Variants in WDPCP observed in about 807,000 individuals in gnomAD.
The protein encoded by WDPCP is WD repeat-containing and planar cell polarity effector protein fritz homolog.
A neutral mutation model predicts 93.1 loss-of-function variants in WDPCP; 71 were observed. The observed-to-expected ratio is 0.76, with a 90% CI of 0.63 to 0.93. WDPCP has a LOEUF of 0.93. WDPCP is among the 40% of genes least tolerant of loss of function. WDPCP has a pLI of 0.00. For missense variants in WDPCP, 844 were observed against 887.4 expected (o/e 0.95, Z 0.62); for synonymous variants, 315 against 315.0 (o/e 1.00, Z 0.00).
At chr2:63,607,696 G>T (rs541066256) in intron 3 of WDPCP, among the ~76,000 whole-genome samples, 1 of 151,998 alleles carries the variant, frequency 6.6e-6, no homozygotes, top group East Asian at 1.9e-4. Flanking sequence ...CAGGCGTGGT[G>T]GCGGGCACCT....
intron 12 of WDPCP, among the ~76,000 whole-genome samples, chr2:63,336,489 C>T (rs1372935238): frequency 6.6e-6 from 1 of 152,124 alleles, no homozygotes; most frequent in African/African-American, 2.4e-5. Context: ...GTGGGTTTTC[C>T]ATAAATGGCC....
chr2:63,438,917 A>C (rs906046447), intron 7 of WDPCP, among the ~76,000 whole-genome samples: 1 of 152,126 alleles, frequency 6.6e-6, no homozygotes, highest in Non-Finnish European at 1.5e-5. Flanking sequence ...TGAATAAAAG[A>C]ATATAATCTT....
intron 3 of WDPCP, chr2:63,599,314 T>A: frequency 6.3e-7 from 1 of 1,599,918 alleles, no homozygotes; most frequent in Non-Finnish European, 8.5e-7. Flanking sequence ...ATATTTTAAA[T>A]CTTGTGGTTG....
chr2:63,543,613 AATT>A (rs1438047664), intron 1 of WDPCP, among the ~76,000 whole-genome samples: 1 of 152,040 alleles, frequency 6.6e-6, no homozygotes, highest in East Asian at 1.9e-4. Flanking sequence ...AAACAATAAT[AATT>A]ATTTTTCATT....
chr2:63,216,466 C>T (rs1559212736), intron 14 of WDPCP, among the ~76,000 whole-genome samples: 1 of 152,074 alleles, frequency 6.6e-6, no homozygotes, highest in Non-Finnish European at 1.5e-5. Context: ...GATAGAAAAC[C>T]AAACACCGCA....
chr2:63,333,292 TG>T (rs1240710731), intron 12 of WDPCP, among the ~76,000 whole-genome samples: 4 of 152,176 alleles, frequency 2.6e-5, no homozygotes, highest in Non-Finnish European at 5.9e-5. Context: ...AAAATCAAAA[TG>T]TTTTACCCCA....
At chr2:63,697,544 C>T (rs1349214812) in intron 2 of WDPCP, among the ~76,000 whole-genome samples, 2 of 152,148 alleles carry the variant, frequency 1.3e-5, no homozygotes, top group Admixed American at 6.5e-5. Flanking sequence ...TGTTGTGTTG[C>T]CTGCCATGGT....
intron 3 of WDPCP, among the ~76,000 whole-genome samples, chr2:63,631,100 T>C (rs1300535835): frequency 2.0e-5 from 3 of 152,006 alleles, no homozygotes; most frequent in African/African-American, 7.3e-5. Context: ...GGCCAAATGG[T>C]CAAACCCCAT....
intron 2 of WDPCP, among the ~76,000 whole-genome samples, chr2:63,667,075 C>T (rs369948193): frequency 1.9e-4 from 29 of 152,238 alleles, no homozygotes; most frequent in African/African-American, 6.0e-4. Flanking sequence ...ATTGTAGTGA[C>T]GATTTCAGGG....
chr2:63,722,693 C>G (rs1475209919), intron 2 of WDPCP, among the ~76,000 whole-genome samples: 1 of 148,232 alleles, frequency 6.7e-6, no homozygotes, highest in African/African-American at 2.5e-5. Flanking sequence ...CCAGCCGCCC[C>G]GTCCGGGAGG....
chr2:63,619,114 T>C (rs1244717020), intron 3 of WDPCP, among the ~76,000 whole-genome samples: 2 of 152,242 alleles, frequency 1.3e-5, no homozygotes, highest in African/African-American at 2.4e-5. Flanking sequence ...AGGAGGACTT[T>C]ATTCTGTCAT....
intron 14 of WDPCP, among the ~76,000 whole-genome samples, chr2:63,191,131 G>A (rs1034301416): frequency 1.3e-5 from 2 of 152,188 alleles, no homozygotes; most frequent in East Asian, 1.9e-4. Context: ...GGTGGCTCAC[G>A]CCTGTAATCC....
intron 2 of WDPCP, among the ~76,000 whole-genome samples, chr2:63,675,527 G>C (rs145046295): frequency 3.4e-4 from 52 of 152,168 alleles, no homozygotes; most frequent in African/African-American, 9.6e-4. Context: ...CGCGGGGTAG[G>C]GGGGTGGCAA....
At chr2:63,305,336 C>G (rs144974573) in intron 13 of WDPCP, among the ~76,000 whole-genome samples, 75 of 152,202 alleles carry the variant, frequency 4.9e-4, no homozygotes, top group Admixed American at 1.4e-3. Context: ...ACACCTCATA[C>G]AAGAGAGCTC....
chr2:63,251,749 C>T (rs1680745495), intron 14 of WDPCP, among the ~76,000 whole-genome samples: 1 of 151,824 alleles, frequency 6.6e-6, no homozygotes, highest in Non-Finnish European at 1.5e-5. Flanking sequence ...CCTCGGCCTC[C>T]CAAAGTGCTG....
chr2:63,408,740 T>C (rs1022118136), intron 9 of WDPCP, among the ~76,000 whole-genome samples: 22 of 152,246 alleles, frequency 1.4e-4, no homozygotes, highest in African/African-American at 5.1e-4. Flanking sequence ...GCCCTTTGGT[T>C]TGTGTGGGAG....
chr2:63,202,249 T>C (rs1406627393), intron 14 of WDPCP, among the ~76,000 whole-genome samples: 1 of 152,066 alleles, frequency 6.6e-6, no homozygotes, highest in Non-Finnish European at 1.5e-5. Flanking sequence ...AGATGCCACA[T>C]AGCAGGCCTT....
chr2:63,250,842 T>C (rs1680650974), intron 14 of WDPCP, among the ~76,000 whole-genome samples: 1 of 152,212 alleles, frequency 6.6e-6, no homozygotes. Context: ...GGCACTATTA[T>C]ATTAAGGAGT....
At chr2:63,293,607 G>A (rs1380286886) in intron 13 of WDPCP, among the ~76,000 whole-genome samples, 1 of 152,048 alleles carries the variant, frequency 6.6e-6, no homozygotes, top group Non-Finnish European at 1.5e-5. Context: ...TCTAAAATCT[G>A]CTCAAAGACT....
Sources: gnomAD v4.1 joint callset for allele counts (sites outside exome capture counted in the v4.1 genomes callset) on GRCh38, gnomAD v4.1.1 for gene constraint, MANE v1.5 for transcripts, NCBI Gene and HGNC (gene_info 2026-07-23, HGNC 2026-07-21) for gene names.